ERC2: variants seen among roughly 807,000 people sequenced by gnomAD.
The protein encoded by ERC2 is ERC protein 2.
A neutral mutation model predicts 114.8 loss-of-function variants in ERC2; 42 were observed. The ratio of observed to expected loss-of-function variants is 0.37; its 90% CI spans 0.29 to 0.47. The LOEUF is 0.47. Among genes scored for constraint, ERC2 ranks in the 20% least tolerant of loss-of-function variants. The pLI is 0.99. For missense variants in ERC2, 939 were observed against 1,150.7 expected, an observed-to-expected ratio of 0.82 and a Z score of 2.66; for synonymous variants, 454 against 425.5, an observed-to-expected ratio of 1.07 and a Z score of -0.82.
chr3:56,043,948 A>G (rs1224212585), intron 7 of ERC2, among the ~76,000 whole-genome samples: 4 of 152,198 alleles, frequency 2.6e-5, no homozygotes, highest in Non-Finnish European at 4.4e-5. Flanking sequence ...ACACACTGTC[A>G]ATAAACAAAG....
At chr3:55,996,332 T>C (rs980855100) in intron 10 of ERC2, among the ~76,000 whole-genome samples, 11 of 152,182 alleles carry the variant, frequency 7.2e-5, no homozygotes, top group African/African-American at 2.7e-4. Context: ...TTATTTACCA[T>C]GAATATAGCA....
chr3:55,741,102 C>T (rs1031922853), intron 14 of ERC2, among the ~76,000 whole-genome samples: 1 of 152,128 alleles, frequency 6.6e-6, no homozygotes, highest in Non-Finnish European at 1.5e-5. Flanking sequence ...TTATCCCTGC[C>T]TTAAAGGTCA....
At chr3:55,880,709 A>G (rs542896639) in intron 14 of ERC2, among the ~76,000 whole-genome samples, 43 of 152,188 alleles carry the variant, frequency 2.8e-4, no homozygotes, top group African/African-American at 9.4e-4. Context: ...ACACATTACC[A>G]TAGTATTTAA....
At chr3:55,771,915 G>C (rs2068233402) in intron 14 of ERC2, among the ~76,000 whole-genome samples, 1 of 152,152 alleles carries the variant, frequency 6.6e-6, no homozygotes, top group Non-Finnish European at 1.5e-5. Context: ...CTCCTATCCA[G>C]TTGTAACCTT....
intron 3 of ERC2, among the ~76,000 whole-genome samples, chr3:56,224,325 T>C (rs1419092395): frequency 6.6e-6 from 1 of 152,184 alleles, no homozygotes; most frequent in Non-Finnish European, 1.5e-5. Flanking sequence ...AGCAGCATTA[T>C]TCAGGGCACA....
intron 2 of ERC2, among the ~76,000 whole-genome samples, chr3:56,430,652 G>A (rs1321854556): frequency 6.6e-6 from 1 of 151,930 alleles, no homozygotes; most frequent in Non-Finnish European, 1.5e-5. Context: ...AGCCAGACAT[G>A]GTGACACACA....
At chr3:56,097,501 T>C (rs2078127575) in intron 6 of ERC2, among the ~76,000 whole-genome samples, 1 of 152,178 alleles carries the variant, frequency 6.6e-6, no homozygotes, top group Non-Finnish European at 1.5e-5. Flanking sequence ...GGTTTGTGTG[T>C]GGGTGTGTAT....
chr3:56,313,414 C>T (rs79899365), intron 2 of ERC2, among the ~76,000 whole-genome samples: 3,343 of 152,156 alleles, frequency 0.022, 44 homozygotes, highest in South Asian at 0.072. Flanking sequence ...GGATGCCTTC[C>T]TATTTCCCAT....
intron 2 of ERC2, among the ~76,000 whole-genome samples, chr3:56,429,862 G>A (rs2061718651): frequency 6.6e-6 from 1 of 152,166 alleles, no homozygotes; most frequent in African/African-American, 2.4e-5. Flanking sequence ...CTGTAACACA[G>A]AGAGGGAGTT....
At chr3:56,204,661 C>T (rs977875623) in intron 3 of ERC2, among the ~76,000 whole-genome samples, 1 of 151,826 alleles carries the variant, frequency 6.6e-6, no homozygotes, top group African/African-American at 2.4e-5. Flanking sequence ...TACCACCATG[C>T]CCAGCTACTT....
intron 14 of ERC2, among the ~76,000 whole-genome samples, chr3:55,758,411 C>T (rs1030260814): frequency 3.7e-4 from 56 of 152,298 alleles, no homozygotes; most frequent in Admixed American, 9.2e-4. Flanking sequence ...TCTCATTTCA[C>T]GCTTTTCCAG....
chr3:55,554,962 G>A (rs2055495544), intron 17 of ERC2, among the ~76,000 whole-genome samples: 2 of 152,142 alleles, frequency 1.3e-5, no homozygotes, highest in Admixed American at 1.3e-4. Flanking sequence ...GGGGCCCAAA[G>A]CCAGCCCAGA....
At chr3:55,927,636 C>T (rs986308305) in intron 13 of ERC2, among the ~76,000 whole-genome samples, 2 of 152,096 alleles carry the variant, frequency 1.3e-5, no homozygotes. Flanking sequence ...TTAAAACATA[C>T]AATAAATTAT....
intron 2 of ERC2, among the ~76,000 whole-genome samples, chr3:56,305,047 A>G (rs2056126998): frequency 6.6e-6 from 1 of 152,294 alleles, no homozygotes; most frequent in African/African-American, 2.4e-5. Context: ...GGAAAGTTCT[A>G]TTATCATCAA....
chr3:55,718,139 G>A (rs560725450), intron 15 of ERC2, among the ~76,000 whole-genome samples: 2 of 152,244 alleles, frequency 1.3e-5, no homozygotes, highest in East Asian at 1.9e-4. Context: ...TATCACCACA[G>A]AGAATTTATG....
At position 55,508,867 on chromosome 3, in the gene ERC2, T is replaced by C. The variant is rs138867791; in HGVS notation, c.*2449A>G. 3.7e-4 allele frequency: 56 copies of C among 152,708 alleles called. No homozygotes were observed. The highest frequency in any genetic ancestry group is 1.3e-3 in the African/African-American group (54 of 41,558). 9.5% of individuals were successfully genotyped at this position (152,708 alleles called of 1,614,324 possible). A position where few individuals can be genotyped will look rare whatever the true frequency, so the allele number is the denominator to read the frequency against. ...GCTTTTGCACAAAGTAAGACCAACT[T>C]CTCCTAAATGTTAGCCCAAACTTCT... On this transcript the variant is annotated 3_prime_UTR_variant, in exon 18 of 18. Transcript: ENST00000288221.
chr3:56,241,440 T>C lies in ERC2; in HGVS notation c.1074+54579A>G, dbSNP rs111345756. 2.7e-3 allele frequency among the ~76,000 whole-genome samples: 416 copies of C among 152,312 alleles called. 1 individual carries two copies. The highest frequency in any genetic ancestry group is 9.7e-3 in the African/African-American group (402 of 41,580). ...GAGAAAAGGTACGCCTTATACACTG[T>C]TGGTAGGAATGTAAATTTATAACAG... On this transcript the variant is annotated intron_variant, in intron 3 of 17. Transcript: ENST00000288221.
Position 55,781,744 on chromosome 3 carries a change from C to T in ERC2, c.2565-46826G>A, listed in dbSNP as rs182345761. Among the ~76,000 whole-genome samples the T allele has an allele frequency of 3.2e-3, 492 of 151,774 alleles. 1 individual carries two copies. The highest frequency in any genetic ancestry group is 0.011 in the African/African-American group (458 of 41,414). On this transcript the variant is annotated intron_variant, in intron 14 of 17. Coordinates refer to ENST00000288221, the MANE Select transcript of ERC2 (RefSeq NM_015576.3). ...AAAATTAGCTGGGTGATGTGGCCGG[C>T]GCCTGTAATCCCAGCTACCCAGGAG...
intron 2 of ERC2, among the ~76,000 whole-genome samples, chr3:56,322,773 T>G (rs1055184156): frequency 2.0e-5 from 3 of 152,126 alleles, no homozygotes; most frequent in African/African-American, 7.2e-5. Context: ...GGAAAGATGA[T>G]GTCAGGTAGA....
Sources: gnomAD v4.1 joint callset for allele counts (sites outside exome capture counted in the v4.1 genomes callset) on GRCh38, gnomAD v4.1.1 for gene constraint, MANE v1.5 for transcripts, NCBI Gene and HGNC (gene_info 2026-07-23, HGNC 2026-07-21) for gene names.